VAV2: variants seen among roughly 807,000 people sequenced by gnomAD.
The protein encoded by VAV2 is vav guanine nucleotide exchange factor 2.
VAV2 carries 67 observed loss-of-function variants against 132.5 expected under a neutral mutation model. The observed-to-expected ratio is 0.51, with a 90% confidence interval of 0.42 to 0.62. VAV2 has a LOEUF of 0.62. VAV2 is among the 20% of genes least tolerant of loss of function. VAV2 has a pLI of 0.00. For missense variants in VAV2, 938 were observed against 1,153.6 expected, an observed-to-expected ratio of 0.81 and a Z score of 2.71; for synonymous variants, 492 against 443.5, an observed-to-expected ratio of 1.11 and a Z score of -1.37.
chr9:133,876,051 C>T (rs1588300701), intron 2 of VAV2, among the ~76,000 whole-genome samples: 1 of 152,260 alleles, frequency 6.6e-6, no homozygotes, highest in African/African-American at 2.4e-5. Flanking sequence ...TGGGCTCAGA[C>T]TGGGACTCAC....
rs1843006021 is a variant in VAV2, at chr9:133,991,254, G to A, written c.204+821C>T. 6.6e-6 allele frequency among the ~76,000 whole-genome samples: 1 copy of A among 152,200 alleles called. No individual in the cohort carries two copies. The highest frequency in any genetic ancestry group is 2.4e-5 in the African/African-American group (1 of 41,446). On this transcript the variant is annotated intron_variant, in intron 1 of 29. Coordinates refer to ENST00000371850, the MANE Select transcript of VAV2 (RefSeq NM_001134398.2). This position sits in a 1 kb window ranked among gnomAD's most constrained non-coding sequence, Gnocchi z 4.8. Reference sequence around the variant, plus strand: ...GCGACCCCCGGAGAACAGGACGGAAGCCTCGATTCTCTCAAGTCTTAGCCA... The same window carrying A: ...GCGACCCCCGGAGAACAGGACGGAAACCTCGATTCTCTCAAGTCTTAGCCA...
In VAV2 at chr9:133,919,638, G is replaced by A. The variant is rs1840222669; in HGVS notation, c.321+19465C>T. Among the ~76,000 whole-genome samples the A allele has an allele frequency of 6.6e-6, 1 of 152,176 alleles. No individual in the cohort carries two copies. ...CATCTTGGGAGAGAAAAGATGCTCAGCCACTTTTGCCACCAGCTCAAATAT... is the reference window on the plus strand; with the variant it reads ...CATCTTGGGAGAGAAAAGATGCTCAACCACTTTTGCCACCAGCTCAAATAT... On this transcript the variant is annotated intron_variant, in intron 2 of 29. Transcript: ENST00000371850. This position sits in a 1 kb window ranked among gnomAD's most constrained non-coding sequence, Gnocchi z 5.8.
chr9:133,871,884 C>T (rs1030222554), intron 2 of VAV2, among the ~76,000 whole-genome samples: 8 of 151,896 alleles, frequency 5.3e-5, no homozygotes, highest in African/African-American at 1.9e-4. Flanking sequence ...CCAGCCCTGC[C>T]CCTTCTGAGC....
At chr9:133,900,395 A>G (rs1839394361) in intron 2 of VAV2, among the ~76,000 whole-genome samples, 1 of 152,090 alleles carries the variant, frequency 6.6e-6, no homozygotes, top group South Asian at 2.1e-4. Context: ...CTCTTCCCCC[A>G]AGCAGGTCTT....
At position 133,969,287 on chromosome 9, in the gene VAV2, G is replaced by C. The variant is rs1339269954; in HGVS notation, c.204+22788C>G. On this transcript the variant is annotated intron_variant, in intron 1 of 29. Transcript: ENST00000371850. This position sits in a 1 kb window ranked among gnomAD's most constrained non-coding sequence, Gnocchi z 5.1. ...ACGGCTGCGCTGCTGGCATGGTAGA[G>C]AATACAACGAACAGGGAAGGAGGGA... Among the ~76,000 whole-genome samples, 1 of 152,194 alleles carries C rather than the reference G, an allele frequency of 6.6e-6. No homozygotes were observed. The highest frequency in any genetic ancestry group is 2.4e-5 in the African/African-American group (1 of 41,444).
chr9:133,779,839 C>G, intron 21 of VAV2, 79 bp downstream of exon 21: 5 of 1,557,276 alleles, frequency 3.2e-6, no homozygotes, highest in Non-Finnish European at 4.4e-6. Context: ...CTGGCCATCA[C>G]CACACCTAGG....
rs533886370 is a variant in VAV2 at position 133,979,310 on chromosome 9, T to G, written c.204+12765A>C. ...AGGGTCCAGAGAGGCGCCACGGGTC[T>G]GCCACGAGGTGCTGAGCCAGGATCT... On this transcript the variant is annotated intron_variant, in intron 1 of 29. Coordinates refer to ENST00000371850, the MANE Select transcript of VAV2 (RefSeq NM_001134398.2). Among the ~76,000 whole-genome samples, 622 of 152,332 alleles carry G rather than the reference T, an allele frequency of 4.1e-3. 11 individuals carry two copies. The highest frequency in any genetic ancestry group is 0.014 in the African/African-American group (601 of 41,570).
At chr9:133,976,394 C>T (rs2132274368) in intron 1 of VAV2, among the ~76,000 whole-genome samples, 1 of 152,276 alleles carries the variant, frequency 6.6e-6, no homozygotes, top group South Asian at 2.1e-4. Context: ...CCAGCCCCGC[C>T]CAGCCCTGCC....
In VAV2 at chr9:133,769,306, A is replaced by C; in HGVS notation, c.2434+111T>G. On this transcript the variant is annotated intron_variant, in intron 28 of 29. Transcript: ENST00000371850. The surrounding 1 kb of genome is among the most constrained non-coding windows in gnomAD (Gnocchi z 8.1). The stretch of plus-strand genomic sequence containing the variant: ...CTCCACCCAGTGCCAGACTGCGGAC[A>C]ACTGTGGCCACGTCAGGCAGGGCTG... 3.2e-5 allele frequency: 35 copies of C among 1,097,392 alleles called. No homozygotes were observed. Among genetic ancestry groups the C allele is most frequent in the Non-Finnish European group, 2.9e-5 (23 of 781,160 alleles). 68.0% of individuals were successfully genotyped at this position (1,097,392 alleles called of 1,614,324 possible).
At chr9:133,776,862 C>T (rs574399528) in intron 23 of VAV2, among the ~76,000 whole-genome samples, 3 of 152,276 alleles carry the variant, frequency 2.0e-5, no homozygotes, top group African/African-American at 4.8e-5. Flanking sequence ...GCTGTCCTTT[C>T]GGGGTGGAGG....
At chr9:133,950,510 C>CG (rs1159544915) in intron 1 of VAV2, among the ~76,000 whole-genome samples, 3 of 152,142 alleles carry the variant, frequency 2.0e-5, no homozygotes, top group African/African-American at 7.2e-5. Flanking sequence ...TAAGCCAAGG[C>CG]GGGGGGTATA....
chr9:133,784,531 A>G, intron 17 of VAV2, 113 bp from the exon 18 acceptor site: 1 of 1,172,912 alleles, frequency 8.5e-7, no homozygotes, highest in South Asian at 1.2e-5. Flanking sequence ...AGAATCCGAG[A>G]GGGCCTGGAC....
At chr9:133,949,899 C>A (rs111899825) in intron 1 of VAV2, among the ~76,000 whole-genome samples, 1 of 152,174 alleles carries the variant, frequency 6.6e-6, no homozygotes, top group Non-Finnish European at 1.5e-5. Context: ...AGGGGTTTCA[C>A]GCTCAGCTTT....
chr9:133,902,562 C>T (rs1839485644), intron 2 of VAV2, among the ~76,000 whole-genome samples: 1 of 152,146 alleles, frequency 6.6e-6, no homozygotes, highest in South Asian at 2.1e-4. Context: ...CAGACAGGTT[C>T]CCACATTTGG....
At chr9:133,815,650 CTGAGTA>C (rs1835528018) in intron 4 of VAV2, among the ~76,000 whole-genome samples, 1 of 152,212 alleles carries the variant, frequency 6.6e-6, no homozygotes, top group Non-Finnish European at 1.5e-5. Flanking sequence ...CTGTTTACTG[CTGAGTA>C]CTAATCCACG....
In VAV2 at chr9:133,969,076, G is replaced by T. The variant is rs999687163; in HGVS notation, c.204+22999C>A. 2.6e-5 allele frequency among the ~76,000 whole-genome samples: 4 copies of T among 151,982 alleles called. No individual in the cohort carries two copies. The highest frequency in any genetic ancestry group is 4.4e-5 in the Non-Finnish European group (3 of 67,990). On this transcript the variant is annotated intron_variant, in intron 1 of 29. Transcript: ENST00000371850. The surrounding 1 kb of genome is among the most constrained non-coding windows in gnomAD (Gnocchi z 5.1). ...TTTTGAGGCAGTTTGGCCGGGTGTC[G>T]GTGAAAGCCGTCTAGTTGCCTGAGA...
At chr9:133,844,566 G>C (rs562639571) in intron 3 of VAV2, among the ~76,000 whole-genome samples, 5 of 152,366 alleles carry the variant, frequency 3.3e-5, no homozygotes, top group African/African-American at 1.2e-4. Flanking sequence ...CCAGCTGCCA[G>C]GTCAGGCCTC....
Position 133,802,961 on chromosome 9 carries a change from G to A in VAV2, c.836+3120C>T, listed in dbSNP as rs1326170459. On this transcript the variant is annotated intron_variant, in intron 9 of 29. Transcript: ENST00000371850. The surrounding 1 kb of genome is among the most constrained non-coding windows in gnomAD (Gnocchi z 5.8). ...GGAGCTGAGGCTTCTTGACTTCAGA[G>A]GTTCCCAAAGGCAGCCCTGCCAGAG... Among the ~76,000 whole-genome samples the A allele has an allele frequency of 2.6e-5, 4 of 152,198 alleles. No homozygotes were observed. The highest frequency in any genetic ancestry group is 2.6e-4 in the Admixed American group (4 of 15,284).
chr9:133,939,087 G>C lies in VAV2; in HGVS notation c.321+16C>G, dbSNP rs1384578795. The C allele has an allele frequency of 1.9e-6, 3 of 1,611,708 alleles. No homozygotes were observed. Among genetic ancestry groups the C allele is most frequent in the Middle Eastern group, 1.7e-4 (1 of 6,050 alleles). ...CCACAGCTGAGCGACCGAGGCTGGA[G>C]AGAGTGACTGCTCACCTTTCCAAAG... On this transcript the variant is annotated intron_variant, in intron 2 of 29. Coordinates refer to ENST00000371850, the MANE Select transcript of VAV2 (RefSeq NM_001134398.2).
Sources: allele counts gnomAD v4.1 joint callset (sites outside exome capture counted in the v4.1 genomes callset), GRCh38; gene constraint gnomAD v4.1.1; non-coding constraint Gnocchi (gnomAD v3.1); transcripts MANE v1.5; gene names NCBI Gene and HGNC (gene_info 2026-07-23, HGNC 2026-07-21).